PRKCH: variants seen among roughly 807,000 people sequenced by gnomAD.
PRKCH encodes the protein protein kinase C eta.
PRKCH carries 28 observed loss-of-function variants against 82.5 expected under a neutral mutation model. The observed-to-expected ratio is 0.34, with a 90% CI of 0.25 to 0.47. The LOEUF (loss-of-function observed/expected upper bound fraction) is 0.47. PRKCH is among the 20% of genes least tolerant of loss of function. PRKCH has a pLI of 1.00. For missense variants in PRKCH, 705 were observed against 881.8 expected, an observed-to-expected ratio of 0.80 and a Z score of 2.54; for synonymous variants, 322 against 327.4, an observed-to-expected ratio of 0.98 and a Z score of 0.18.
chr14:61,207,849 A>T (rs1229116470), intron 1 of PRKCH, among the ~76,000 whole-genome samples: 1 of 152,172 alleles, frequency 6.6e-6, no homozygotes, highest in East Asian at 1.9e-4. Context: ...TGACAGACTA[A>T]AGACATGCTC....
At chr14:61,357,390 G>T (rs2046164842) in intron 1 of PRKCH, among the ~76,000 whole-genome samples, 1 of 152,184 alleles carries the variant, frequency 6.6e-6, no homozygotes, top group African/African-American at 2.4e-5. Flanking sequence ...GCAAACTTAT[G>T]TGTAGTCACA....
intron 2 of PRKCH, among the ~76,000 whole-genome samples, chr14:61,410,145 G>A (rs974304291): frequency 2.0e-5 from 3 of 151,926 alleles, no homozygotes; most frequent in Admixed American, 6.5e-5. Flanking sequence ...TTACAGGCTT[G>A]GTTGGCTTTG....
chr14:61,209,235 T>C (rs2351803), intron 1 of PRKCH, among the ~76,000 whole-genome samples: 53,287 of 151,066 alleles, frequency 0.35, 10,204 homozygotes, highest in African/African-American at 0.48. Flanking sequence ...AAATGAATTT[T>C]TTTTCTTTAT....
intron 1 of PRKCH, among the ~76,000 whole-genome samples, chr14:61,265,393 A>G (rs1354597708): frequency 6.6e-6 from 1 of 152,182 alleles, no homozygotes; most frequent in Non-Finnish European, 1.5e-5. Flanking sequence ...TGGTGGGAGG[A>G]TAGCTTGAGC....
intron 2 of PRKCH, among the ~76,000 whole-genome samples, chr14:61,413,106 C>A (rs1882354855): frequency 1.3e-5 from 2 of 152,170 alleles, no homozygotes; most frequent in Admixed American, 1.3e-4. Context: ...TCTTTCCCCC[C>A]TTTGCAGCCA....
At chr14:61,214,769 T>G (rs1452141327) in intron 1 of PRKCH, among the ~76,000 whole-genome samples, 1 of 152,230 alleles carries the variant, frequency 6.6e-6, no homozygotes, top group Non-Finnish European at 1.5e-5. Context: ...TAGGGTTTGA[T>G]AGATAGCTTC....
At chr14:61,488,406 A>G (rs997255397) in intron 10 of PRKCH, among the ~76,000 whole-genome samples, 5 of 152,142 alleles carry the variant, frequency 3.3e-5, no homozygotes, top group Non-Finnish European at 5.9e-5. Context: ...TCTTCTAACA[A>G]TATTATTGTA....
intron 4 of PRKCH, among the ~76,000 whole-genome samples, chr14:61,448,331 C>T (rs1884324959): frequency 6.6e-6 from 1 of 152,192 alleles, no homozygotes; most frequent in Non-Finnish European, 1.5e-5. Context: ...CCTTTGATGA[C>T]AAGCTCAACT....
At chr14:61,382,189 G>A (rs2046521215) in intron 1 of PRKCH, among the ~76,000 whole-genome samples, 1 of 152,202 alleles carries the variant, frequency 6.6e-6, no homozygotes, top group African/African-American at 2.4e-5. Context: ...TTAGCACTTT[G>A]GGAGGCTGAG....
chr14:61,431,023 G>A (rs1369571822), intron 2 of PRKCH, among the ~76,000 whole-genome samples: 2 of 152,228 alleles, frequency 1.3e-5, no homozygotes, highest in African/African-American at 4.8e-5. Flanking sequence ...CAAAATGCTG[G>A]GATTACAGGC....
rs752424056 is a variant in PRKCH, at chr14:61,547,833, G to C, written c.1852G>C (p.Asp618His). ...ILRHPFFKEI[D>H]WAQLNHRQIE... ...GAGACATCCTTTTTTTAAGGAAATC[G>C]ACTGGGCCCAGCTGAACCATCGCCA... Residue 618 changes from aspartate to histidine, a missense_variant, in exon 13 of 14, where the codon GAC becomes CAC. By Grantham distance (81) the Asp-to-His change is moderately conservative (BLOSUM62 -1). This residue lies in a region of PRKCH where 91 missense variants were observed against 81.2 expected (regional missense o/e 1.12). Coordinates refer to ENST00000332981, the MANE Select transcript of PRKCH (RefSeq NM_006255.5). The C allele has an allele frequency of 6.2e-7, 1 of 1,614,070 alleles. No individual in the cohort carries two copies. Among genetic ancestry groups the C allele is most frequent in the Non-Finnish European group, 8.5e-7 (1 of 1,179,976 alleles).
intron 1 of PRKCH, among the ~76,000 whole-genome samples, chr14:61,214,273 G>A (rs748288267): frequency 4.6e-5 from 7 of 152,150 alleles, no homozygotes; most frequent in East Asian, 1.9e-4. Context: ...CAAACAATGC[G>A]GAGAGTTAGG....
chr14:61,273,898 T>C (rs2045179757), intron 1 of PRKCH, among the ~76,000 whole-genome samples: 1 of 152,222 alleles, frequency 6.6e-6, no homozygotes, highest in African/African-American at 2.4e-5. Context: ...TAGTTGTCAT[T>C]CAGCTAATGT....
chr14:61,326,776 A>T (rs1210739414), intron 1 of PRKCH: 1 of 214,006 alleles, frequency 4.7e-6, no homozygotes, highest in Non-Finnish European at 9.7e-6. Context: ...TGAAATCACA[A>T]TAAAACAAAT....
chr14:61,550,968 G>C lies in PRKCH; in HGVS notation c.*1137G>C, dbSNP rs1482639347. Reference sequence around the variant, plus strand: ...GTCTGACTGGAAATAAATGCATTTTGTAGCAAAAGGAAGTGTTTTGACTAG... The same window carrying C: ...GTCTGACTGGAAATAAATGCATTTTCTAGCAAAAGGAAGTGTTTTGACTAG... On this transcript the variant is annotated 3_prime_UTR_variant, in exon 14 of 14. Coordinates refer to ENST00000332981, the MANE Select transcript of PRKCH (RefSeq NM_006255.5). 1.3e-5 allele frequency: 2 copies of C among 152,212 alleles called. No homozygotes were observed. Among genetic ancestry groups the C allele is most frequent in the African/African-American group, 4.8e-5 (2 of 41,454 alleles). The allele number at this position is 152,212 out of a possible 1,614,324, so 9.4% of individuals were successfully genotyped here. A position where few individuals can be genotyped will look rare whatever the true frequency, so the allele number is the denominator to read the frequency against.
At chr14:61,470,391 G>A (rs1379480192) in intron 9 of PRKCH, among the ~76,000 whole-genome samples, 1 of 152,100 alleles carries the variant, frequency 6.6e-6, no homozygotes, top group Non-Finnish European at 1.5e-5. Context: ...CCTGCATCAG[G>A]CTGTGAGGAC....
intron 10 of PRKCH, among the ~76,000 whole-genome samples, chr14:61,517,387 A>G (rs2042844289): frequency 6.6e-6 from 1 of 152,250 alleles, no homozygotes; most frequent in Non-Finnish European, 1.5e-5. Flanking sequence ...GTCTTCGAGG[A>G]ACTAGCTTCA....
At chr14:61,413,149 C>T (rs956718537) in intron 2 of PRKCH, among the ~76,000 whole-genome samples, 2 of 152,172 alleles carry the variant, frequency 1.3e-5, no homozygotes, top group African/African-American at 4.8e-5. Flanking sequence ...ATCTGCGTCT[C>T]ACCACCAACT....
intron 1 of PRKCH, chr14:61,298,569 A>G (rs972240470): frequency 1.3e-5 from 2 of 152,102 alleles, no homozygotes; most frequent in Non-Finnish European, 1.5e-5. Context: ...ACAAATTACA[A>G]ATTATCTGAG....
Sources: gnomAD v4.1 joint callset for allele counts (sites outside exome capture counted in the v4.1 genomes callset) on GRCh38, gnomAD v4.1.1 for gene constraint, gnomAD v4.1.1 regional missense constraint, MANE v1.5 for transcripts, NCBI Gene and HGNC (gene_info 2026-07-23, HGNC 2026-07-21) for gene names.